Variants in RBFOX1 observed in about 807,000 individuals in gnomAD.
The protein encoded by RBFOX1 is RNA binding fox-1 homolog 1.
In RBFOX1, 8 loss-of-function variants were observed where a neutral mutation model predicts 57.7. That is an observed-to-expected ratio of 0.14 (90% CI 0.08 to 0.25). RBFOX1 has a LOEUF of 0.25. Ranked by LOEUF, RBFOX1 falls within the 10% of genes least tolerant of loss-of-function variation. The pLI, the probability that RBFOX1 is intolerant of heterozygous loss-of-function variation, is 1.00. For missense variants in RBFOX1, 611 were observed against 548.5 expected, an observed-to-expected ratio of 1.11 and a Z score of -1.14; for synonymous variants, 326 against 222.4, an observed-to-expected ratio of 1.47 and a Z score of -4.15.
chr16:5,339,412 T>C (rs373074248), intron 1 of RBFOX1, among the ~76,000 whole-genome samples: 1 of 150,826 alleles, frequency 6.6e-6, no homozygotes, highest in East Asian at 2.0e-4. Context: ...ACCAAACTCA[T>C]GCTGGTTTAT....
chr16:7,153,540 T>C lies in RBFOX1; in HGVS notation c.27+101442T>C, dbSNP rs144500567. On this transcript the variant is annotated intron_variant, in intron 4 of 15. Transcript: ENST00000550418. Reference sequence around the variant, plus strand: ...TCACAAGGTCAAGAGATCGAGACCATCCTGGCCAAATAGTGAAACCCCATC... The same window carrying C: ...TCACAAGGTCAAGAGATCGAGACCACCCTGGCCAAATAGTGAAACCCCATC... Among the ~76,000 whole-genome samples, 24 of 151,136 alleles carry C rather than the reference T, an allele frequency of 1.6e-4. No homozygotes were observed. In the East Asian group the frequency reaches 4.5e-3, roughly 28 times the overall value.
At chr16:5,777,967 C>T (rs903078647) in intron 3 of RBFOX1, among the ~76,000 whole-genome samples, 5 of 152,116 alleles carry the variant, frequency 3.3e-5, no homozygotes, top group East Asian at 1.9e-4. Flanking sequence ...TATGTGGTCA[C>T]GTCCTCATTT....
At chr16:7,574,870 G>A (rs1193549543) in intron 5 of RBFOX1, among the ~76,000 whole-genome samples, 1 of 152,120 alleles carries the variant, frequency 6.6e-6, no homozygotes, top group African/African-American at 2.4e-5. Context: ...CTGCTTTGAG[G>A]CCACTCATCT....
chr16:7,631,763 G>C (rs58565227), intron 11 of RBFOX1, among the ~76,000 whole-genome samples: 15 of 152,102 alleles, frequency 9.9e-5, no homozygotes, highest in African/African-American at 3.4e-4. Flanking sequence ...AAACATCTTC[G>C]TTTCCTAAAT....
chr16:6,060,434 G>C (rs1410199366), intron 1 of RBFOX1, among the ~76,000 whole-genome samples: 2 of 152,096 alleles, frequency 1.3e-5, no homozygotes, highest in Non-Finnish European at 2.9e-5. Context: ...GTAATTTTTG[G>C]TTATTATACT....
intron 1 of RBFOX1, among the ~76,000 whole-genome samples, chr16:6,149,375 G>A (rs539519547): frequency 6.6e-6 from 1 of 152,232 alleles, no homozygotes; most frequent in Non-Finnish European, 1.5e-5. Flanking sequence ...GAACATTGAA[G>A]TTTTGCTAGG....
chr16:6,878,588 T>C (rs769952313), intron 3 of RBFOX1, among the ~76,000 whole-genome samples: 1 of 152,160 alleles, frequency 6.6e-6, no homozygotes, highest in East Asian at 1.9e-4. Flanking sequence ...GACTGACACA[T>C]GCAGTGTCCT....
intron 2 of RBFOX1, among the ~76,000 whole-genome samples, chr16:6,391,655 G>C (rs1345942059): frequency 1.3e-5 from 2 of 152,180 alleles, no homozygotes; most frequent in Non-Finnish European, 2.9e-5. Flanking sequence ...TAATTGCCTT[G>C]ATGGAAGGTG....
chr16:5,421,899 C>T (rs888884416), intron 1 of RBFOX1, among the ~76,000 whole-genome samples: 1 of 152,114 alleles, frequency 6.6e-6, no homozygotes, highest in Non-Finnish European at 1.5e-5. Context: ...CATGAAAACC[C>T]AAACTCAATA....
At chr16:6,934,270 A>T (rs1393667540) in intron 3 of RBFOX1, among the ~76,000 whole-genome samples, 1 of 152,196 alleles carries the variant, frequency 6.6e-6, no homozygotes, top group Non-Finnish European at 1.5e-5. Flanking sequence ...TTCAGTCTGG[A>T]CTGAAGTTGC....
At chr16:6,865,835 C>G (rs974975273) in intron 3 of RBFOX1, among the ~76,000 whole-genome samples, 4 of 152,100 alleles carry the variant, frequency 2.6e-5, no homozygotes, top group African/African-American at 9.7e-5. Context: ...GTACAATTAA[C>G]TTCTCTCTTT....
At chr16:5,680,741 G>T (rs893378368) in intron 3 of RBFOX1, among the ~76,000 whole-genome samples, 1 of 152,174 alleles carries the variant, frequency 6.6e-6, no homozygotes, top group African/African-American at 2.4e-5. Flanking sequence ...TTTACACTCC[G>T]GGTGAAGCTG....
At chr16:5,497,406 G>C (rs116759557) in intron 2 of RBFOX1, among the ~76,000 whole-genome samples, 2,406 of 151,978 alleles carry the variant, frequency 0.016, 32 homozygotes, top group African/African-American at 0.042. Context: ...AATGCTTGTT[G>C]AGCCTTGACT....
chr16:6,121,418 T>G lies in RBFOX1; in HGVS notation c.-127+101426T>G, dbSNP rs74004786. Reference sequence around the variant, plus strand: ...ACCTTTGGAGAAACACCAGGGAAAGTGATGATGCTTGAAATCCTTGATCCT... The same window carrying G: ...ACCTTTGGAGAAACACCAGGGAAAGGGATGATGCTTGAAATCCTTGATCCT... On this transcript the variant is annotated intron_variant, in intron 1 of 15. Coordinates refer to ENST00000550418, the MANE Select transcript of RBFOX1 (RefSeq NM_018723.4). Among the ~76,000 whole-genome samples, 332 of 152,288 alleles carry G rather than the reference T, an allele frequency of 2.2e-3. 7 individuals are homozygous for G. Among genetic ancestry groups the G allele is most frequent in the African/African-American group, 7.1e-3 (296 of 41,552 alleles).
intron 5 of RBFOX1, among the ~76,000 whole-genome samples, chr16:7,531,065 C>G (rs1342108926): frequency 1.3e-5 from 2 of 152,254 alleles, no homozygotes; most frequent in East Asian, 1.9e-4. Flanking sequence ...ACCAGACCAT[C>G]AGGACCAGTT....
At chr16:6,752,516 A>G (rs897787071) in intron 3 of RBFOX1, among the ~76,000 whole-genome samples, 10 of 152,280 alleles carry the variant, frequency 6.6e-5, no homozygotes, top group Middle Eastern at 3.4e-3. Flanking sequence ...TGTTCTTTCC[A>G]TGTTTGTTCA....
intron 3 of RBFOX1, among the ~76,000 whole-genome samples, chr16:6,978,767 G>A (rs1454774015): frequency 2.6e-5 from 4 of 152,236 alleles, no homozygotes; most frequent in Admixed American, 2.6e-4. Flanking sequence ...TTGAACCCCA[G>A]TGGCCTGATT....
intron 3 of RBFOX1, among the ~76,000 whole-genome samples, chr16:6,961,271 C>A (rs1211857779): frequency 6.6e-6 from 1 of 152,148 alleles, no homozygotes; most frequent in South Asian, 2.1e-4. Context: ...TGGGGAGACC[C>A]CACCAGAGGA....
At chr16:5,656,487 A>G (rs569339236) in intron 3 of RBFOX1, among the ~76,000 whole-genome samples, 61 of 152,188 alleles carry the variant, frequency 4.0e-4, no homozygotes, top group Non-Finnish European at 7.5e-4. Context: ...CATAGTTAAC[A>G]TATACAACTT....
Sources: allele counts gnomAD v4.1 joint callset (sites outside exome capture counted in the v4.1 genomes callset), GRCh38; gene constraint gnomAD v4.1.1; transcripts MANE v1.5; gene names NCBI Gene and HGNC (gene_info 2026-07-23, HGNC 2026-07-21).